RBFOX1: variants seen among roughly 807,000 people sequenced by gnomAD.
The protein encoded by RBFOX1 is RNA binding fox-1 homolog 1, also known as RNA binding protein fox-1 homolog 1.
Under a neutral mutation model 57.7 loss-of-function variants are expected in RBFOX1, and 8 were observed. That is an observed-to-expected ratio of 0.14 (90% confidence interval 0.08 to 0.25). RBFOX1 has a LOEUF of 0.25. Among genes scored for constraint, RBFOX1 ranks in the 10% least tolerant of loss-of-function variants. RBFOX1 has a pLI of 1.00. For synonymous variants in RBFOX1, 326 were observed against 222.4 expected (o/e 1.47, Z -4.15); for missense variants, 611 against 548.5 (o/e 1.11, Z -1.14).
intron 3 of RBFOX1, among the ~76,000 whole-genome samples, chr16:6,684,877 G>T (rs368003688): frequency 6.8e-4 from 103 of 152,286 alleles, no homozygotes; most frequent in African/African-American, 2.4e-3. Context: ...TGCAAAAGGA[G>T]CTAGCATGTT....
At chr16:5,991,423 A>T (rs1199254506) in intron 4 of RBFOX1, among the ~76,000 whole-genome samples, 3 of 152,176 alleles carry the variant, frequency 2.0e-5, no homozygotes, top group African/African-American at 7.2e-5. Context: ...TTAAAGAATC[A>T]TCGTCACTGC....
At chr16:5,287,497 C>G (rs955638060) in intron 1 of RBFOX1, among the ~76,000 whole-genome samples, 36 of 152,200 alleles carry the variant, frequency 2.4e-4, no homozygotes, top group African/African-American at 8.0e-4. Flanking sequence ...GCCCTTGTAT[C>G]CGTTAGTTGT....
chr16:7,488,796 A>C (rs1170714189), intron 4 of RBFOX1, among the ~76,000 whole-genome samples: 1 of 152,210 alleles, frequency 6.6e-6, no homozygotes, highest in African/African-American at 2.4e-5. Context: ...ATACATATCC[A>C]TACATTAATC....
chr16:6,406,004 A>C (rs1290860563), intron 2 of RBFOX1, among the ~76,000 whole-genome samples: 2 of 152,242 alleles, frequency 1.3e-5, no homozygotes, highest in Non-Finnish European at 2.9e-5. Context: ...GTGAGAACGC[A>C]GAGGAATTAA....
chr16:7,555,426 T>C (rs2088051218), intron 5 of RBFOX1, among the ~76,000 whole-genome samples: 1 of 152,190 alleles, frequency 6.6e-6, no homozygotes, highest in Non-Finnish European at 1.5e-5. Flanking sequence ...TGCACGTAGT[T>C]GGGTAAGATG....
chr16:7,106,981 TAA>T (rs71280732), intron 4 of RBFOX1, among the ~76,000 whole-genome samples: 15 of 138,380 alleles, frequency 1.1e-4, no homozygotes, highest in African/African-American at 4.1e-4. Context: ...GCCACACAGT[TAA>T]AACACACACA....
At chr16:5,828,685 C>G (rs917107105) in intron 3 of RBFOX1, among the ~76,000 whole-genome samples, 17 of 151,164 alleles carry the variant, frequency 1.1e-4, no homozygotes, top group Non-Finnish European at 1.5e-5. Flanking sequence ...GTGAGCGAGA[C>G]TCCAAAAAAG....
At chr16:6,279,264 C>G (rs1341395566) in intron 1 of RBFOX1, among the ~76,000 whole-genome samples, 1 of 152,084 alleles carries the variant, frequency 6.6e-6, no homozygotes, top group East Asian at 1.9e-4. Flanking sequence ...TATCTGGCAC[C>G]TAGCTAAGGA....
intron 3 of RBFOX1, among the ~76,000 whole-genome samples, chr16:6,896,360 C>T (rs1202782006): frequency 6.6e-6 from 1 of 152,160 alleles, no homozygotes; most frequent in Admixed American, 6.5e-5. Flanking sequence ...GTATAGTAAT[C>T]AAATAATATG....
At chr16:7,018,076 C>A (rs546505876) in intron 3 of RBFOX1, among the ~76,000 whole-genome samples, 1 of 152,172 alleles carries the variant, frequency 6.6e-6, no homozygotes, top group East Asian at 1.9e-4. Flanking sequence ...AGCCAACCTG[C>A]ATGTACACCC....
At chr16:7,578,613 G>C (rs1255949656) in intron 5 of RBFOX1, among the ~76,000 whole-genome samples, 1 of 152,106 alleles carries the variant, frequency 6.6e-6, no homozygotes, top group East Asian at 1.9e-4. Flanking sequence ...TACATTGATA[G>C]TTTTGTCCCA....
chr16:7,451,562 C>G (rs1366701619), intron 4 of RBFOX1, among the ~76,000 whole-genome samples: 3 of 152,166 alleles, frequency 2.0e-5, no homozygotes, highest in Non-Finnish European at 4.4e-5. Context: ...ATTGCTCCCT[C>G]TGGCTCTTAG....
In RBFOX1 at chr16:7,664,742, C is replaced by A. The variant is rs576114819; in HGVS notation, c.891-187C>A. On this transcript the variant is annotated intron_variant, in intron 12 of 15. Transcript: ENST00000550418. ...CTAATTCTGGGCCAACACCAAAGCC[C>A]GGCCTAATTTTCTCGGTTTGCTCAA... 64 of 989,108 alleles carry A rather than the reference C, an allele frequency of 6.5e-5. 1 individual carries two copies. In the South Asian group the frequency reaches 8.7e-4, roughly 13 times the overall value. 61.3% of individuals were successfully genotyped at this position (989,108 alleles called of 1,614,324 possible). A position where few individuals can be genotyped will look rare whatever the true frequency, so the allele number is the denominator to read the frequency against.
chr16:7,030,227 C>T (rs760737526), intron 3 of RBFOX1, among the ~76,000 whole-genome samples: 40 of 152,226 alleles, frequency 2.6e-4, no homozygotes, highest in Middle Eastern at 6.8e-3. Flanking sequence ...GAAGGCTGTT[C>T]TTCAGTGACA....
At chr16:7,652,688 G>A (rs376396087) in intron 11 of RBFOX1, among the ~76,000 whole-genome samples, 1 of 152,212 alleles carries the variant, frequency 6.6e-6, no homozygotes, top group African/African-American at 2.4e-5. Context: ...TTACAGGCAT[G>A]AGCCACCGCG....
At chr16:5,969,099 A>G (rs543666088) in intron 4 of RBFOX1, among the ~76,000 whole-genome samples, 25 of 151,248 alleles carry the variant, frequency 1.7e-4, no homozygotes, top group African/African-American at 5.8e-4. Context: ...TCTAATTCTG[A>G]TTTATATTGT....
rs180679258 is a variant in RBFOX1 at position 6,051,411 on chromosome 16, T to G, written c.-127+31419T>G. Among the ~76,000 whole-genome samples the G allele has an allele frequency of 2.5e-3, 377 of 152,234 alleles. 2 individuals are homozygous for G. The highest frequency in any genetic ancestry group is 8.7e-3 in the African/African-American group (362 of 41,538). On this transcript the variant is annotated intron_variant, in intron 1 of 15. Coordinates refer to ENST00000550418, the MANE Select transcript of RBFOX1 (RefSeq NM_018723.4). ...AGCATGATATTGGCTTACTGCAACC[T>G]CTGCCTCCTGGGTTCAAGCGATTCT...
intron 4 of RBFOX1, among the ~76,000 whole-genome samples, chr16:7,276,054 G>T (rs1470860011): frequency 6.6e-6 from 1 of 152,182 alleles, no homozygotes; most frequent in Non-Finnish European, 1.5e-5. Flanking sequence ...TGATTGAAAA[G>T]GCAATAAAGA....
At chr16:7,596,468 A>C (rs1322970966) in intron 8 of RBFOX1, among the ~76,000 whole-genome samples, 1 of 151,956 alleles carries the variant, frequency 6.6e-6, no homozygotes, top group Non-Finnish European at 1.5e-5. Context: ...TAGGCCCCTC[A>C]CCAAACTCTC....
Sources: allele counts gnomAD v4.1 joint callset (sites outside exome capture counted in the v4.1 genomes callset), GRCh38; gene constraint gnomAD v4.1.1; transcripts MANE v1.5; gene names NCBI Gene and HGNC (gene_info 2026-07-23, HGNC 2026-07-21).